The following CRHR2 variants were observed in gnomAD, a reference collection of about 807,000 sequenced individuals.
CRHR2 encodes the protein corticotropin-releasing hormone receptor 2.
A neutral mutation model predicts 57.9 loss-of-function variants in CRHR2; 53 were observed. The ratio of observed to expected loss-of-function variants is 0.92; its 90% CI spans 0.73 to 1.15. The LOEUF (loss-of-function observed/expected upper bound fraction) is 1.15. CRHR2 is among the 50% of genes most tolerant of loss of function. CRHR2 has a pLI of 0.00. For synonymous variants in CRHR2, 213 were observed against 220.9 expected, an observed-to-expected ratio of 0.96 and a Z score of 0.32; for missense variants, 532 against 542.6, an observed-to-expected ratio of 0.98 and a Z score of 0.19.
intron 2 of CRHR2, 99 bp from the exon 3 acceptor site, chr7:30,667,412 C>A (rs755878653): frequency 2.2e-6 from 2 of 908,604 alleles, no homozygotes; most frequent in Non-Finnish European, 3.6e-6. Context: ...CGCACCTCAG[C>A]TCTCCTAGGG....
At chr7:30,655,789 AGTGGTG>A (rs941751978) in intron 9 of CRHR2, 74 bp from the exon 10 acceptor site, 1 of 1,591,438 alleles carries the variant, frequency 6.3e-7, no homozygotes, top group Non-Finnish European at 8.6e-7. Flanking sequence ...GGCGGGAGAC[AGTGGTG>A]GTGTTTCTTC....
chr7:30,671,403 G>A (rs75035685), intron 2 of CRHR2, among the ~76,000 whole-genome samples: 12,395 of 152,116 alleles, frequency 0.081, 559 homozygotes, highest in Admixed American at 0.12. Context: ...AGTTTTGGGG[G>A]AAGGAGTACA....
intron 2 of CRHR2, among the ~76,000 whole-genome samples, chr7:30,679,625 T>C (rs1224219183): frequency 1.3e-5 from 2 of 152,066 alleles, no homozygotes; most frequent in Non-Finnish European, 2.9e-5. Context: ...CGATTCCTGC[T>C]CTCTAAGGAA....
chr7:30,698,252 C>G (rs995491181), intron 1 of CRHR2: 1 of 152,344 alleles, frequency 6.6e-6, no homozygotes, highest in Non-Finnish European at 1.5e-5. Context: ...GTCTCTATCC[C>G]ACTCCGGGAT....
At chr7:30,699,331 C>T (rs772811980) in intron 1 of CRHR2, among the ~76,000 whole-genome samples, 2 of 152,154 alleles carry the variant, frequency 1.3e-5, no homozygotes, top group Non-Finnish European at 2.9e-5. Context: ...TCTTGAGAAA[C>T]CCTTGGAGAG....
chr7:30,678,971 G>A (rs1784610441), intron 2 of CRHR2, among the ~76,000 whole-genome samples: 1 of 152,060 alleles, frequency 6.6e-6, no homozygotes, highest in Non-Finnish European at 1.5e-5. Context: ...TCTCCAGATG[G>A]TGAAGCCCTG....
intron 7 of CRHR2, among the ~76,000 whole-genome samples, chr7:30,661,816 G>A (rs1784009880): frequency 6.6e-6 from 1 of 152,304 alleles, no homozygotes; most frequent in Admixed American, 6.5e-5. Context: ...AGCTCTGGAT[G>A]TCATGTGCGG....
At position 30,658,999 on chromosome 7, in the gene CRHR2, G is replaced by A. The variant is rs41492148; in HGVS notation, c.831+1574C>T. Among the ~76,000 whole-genome samples the A allele has an allele frequency of 6.5e-3, 984 of 152,364 alleles. 7 individuals are homozygous for A. Among genetic ancestry groups the A allele is most frequent in the Middle Eastern group, 0.014 (4 of 294 alleles). On this transcript the variant is annotated intron_variant, in intron 8 of 11. Transcript: ENST00000471646. ...CTGCCTTTGAGCCTCTGCTCTGCTAGCTATTAGTGGTGACCTTGGGCAAGC... is the reference window on the plus strand; with the variant it reads ...CTGCCTTTGAGCCTCTGCTCTGCTAACTATTAGTGGTGACCTTGGGCAAGC...
At position 30,677,864 on chromosome 7, in the gene CRHR2, G is replaced by A. The variant is rs139158974; in HGVS notation, c.229+4051C>T. ...ACAGGAGGATCGCTTGAGTCTGGGA[G>A]TTCAAGACCAGCTCTGGCAAAATGG... is the stretch of plus-strand genomic sequence containing the variant. On this transcript the variant is annotated intron_variant, in intron 2 of 11. Coordinates refer to ENST00000471646, the MANE Select transcript of CRHR2 (RefSeq NM_001883.5). 9.8e-5 allele frequency among the ~76,000 whole-genome samples: 15 copies of A among 152,364 alleles called. No homozygotes were observed. The East Asian group carries it at 2.3e-3, about 23-fold the overall frequency.
chr7:30,659,882 A>C (rs576754457), intron 8 of CRHR2, among the ~76,000 whole-genome samples: 1 of 152,332 alleles, frequency 6.6e-6, no homozygotes, highest in East Asian at 1.9e-4. Context: ...GCCTGAAATA[A>C]GTCTTACGTA....
rs1175735355 is a variant in CRHR2 at position 30,660,648 on chromosome 7, G to C, written c.759-3C>G. 5 of 1,563,692 alleles carry C rather than the reference G, an allele frequency of 3.2e-6. No individual in the cohort carries two copies. The highest frequency in any genetic ancestry group is 3.5e-6 in the Non-Finnish European group (4 of 1,153,960). On this transcript the variant is annotated splice_polypyrimidine_tract_variant and splice_region_variant and intron_variant, in intron 7 of 11. Coordinates refer to ENST00000471646, the MANE Select transcript of CRHR2 (RefSeq NM_001883.5). ...CAGGCTCCTTGCCAAACCAGCACCT[G>C]TGAAGATGGGGTGGCTGTAGGGGGC...
chr7:30,663,883 A>G (rs1784098031), intron 5 of CRHR2, among the ~76,000 whole-genome samples: 1 of 152,212 alleles, frequency 6.6e-6, no homozygotes, highest in Non-Finnish European at 1.5e-5. Flanking sequence ...CACACAGCCC[A>G]TCCTCTCTGT....
At chr7:30,681,776 G>T in intron 2 of CRHR2, 139 bp downstream of exon 2, 1 of 1,295,586 alleles carries the variant, frequency 7.7e-7, no homozygotes, top group Non-Finnish European at 1.0e-6. Flanking sequence ...AACACTGTAA[G>T]GGGTCCTTAA....
At chr7:30,669,534 A>G (rs546265200) in intron 2 of CRHR2, among the ~76,000 whole-genome samples, 7 of 152,202 alleles carry the variant, frequency 4.6e-5, no homozygotes, top group African/African-American at 1.7e-4. Flanking sequence ...CCTCACACCA[A>G]TGCCCATGGG....
At chr7:30,657,174 C>T (rs1187477454) in intron 8 of CRHR2, among the ~76,000 whole-genome samples, 2 of 152,142 alleles carry the variant, frequency 1.3e-5, no homozygotes, top group Non-Finnish European at 2.9e-5. Context: ...TCTAACCCTC[C>T]CAAGTTCTGA....
intron 2 of CRHR2, among the ~76,000 whole-genome samples, chr7:30,675,228 A>T (rs1468206303): frequency 6.6e-6 from 1 of 152,166 alleles, no homozygotes; most frequent in Non-Finnish European, 1.5e-5. Flanking sequence ...CCTGGGGCCC[A>T]GCCAAGAAGC....
chr7:30,665,250 T>C lies in CRHR2; in HGVS notation c.426-63A>G, dbSNP rs1238544508. The C allele has an allele frequency of 2.1e-6, 3 of 1,404,270 alleles. No individual in the cohort carries two copies. Among genetic ancestry groups the C allele is most frequent in the South Asian group, 2.3e-5 (2 of 85,492 alleles). The allele number at this position is 1,404,270 out of a possible 1,614,324, so 87.0% of individuals were successfully genotyped here. A position where few individuals can be genotyped will look rare whatever the true frequency, so the allele number is the denominator to read the frequency against. On this transcript the variant is annotated intron_variant, in intron 4 of 11. Transcript: ENST00000471646. The surrounding 1 kb of genome is among the most constrained non-coding windows in gnomAD (Gnocchi z 4.5). ...GGGTCAACTGGGACTGGGTTCCCCCTGAGGCCAGGTAGAGACTCAGCCTGG... is the reference window on the plus strand; with the variant it reads ...GGGTCAACTGGGACTGGGTTCCCCCCGAGGCCAGGTAGAGACTCAGCCTGG...
chr7:30,678,667 C>G (rs1411858638), intron 2 of CRHR2, among the ~76,000 whole-genome samples: 1 of 151,940 alleles, frequency 6.6e-6, no homozygotes, highest in African/African-American at 2.4e-5. Context: ...TTCCCCCACC[C>G]AACCAGCTGC....
intron 2 of CRHR2, among the ~76,000 whole-genome samples, chr7:30,676,191 G>A (rs1029216663): frequency 6.6e-6 from 1 of 152,178 alleles, no homozygotes; most frequent in Non-Finnish European, 1.5e-5. Flanking sequence ...CTCTGCAGCC[G>A]GGCAGCTCTG....
Sources: gnomAD v4.1 joint callset for allele counts (sites outside exome capture counted in the v4.1 genomes callset) on GRCh38, gnomAD v4.1.1 for gene constraint, Gnocchi (gnomAD v3.1) non-coding constraint, MANE v1.5 for transcripts, NCBI Gene and HGNC (gene_info 2026-07-23, HGNC 2026-07-21) for gene names.